INTS3: variants seen among roughly 807,000 people sequenced by gnomAD.
INTS3 encodes SOSS complex subunit A.
In INTS3, 34 loss-of-function variants were observed where a neutral mutation model predicts 146.3. The ratio of observed to expected loss-of-function variants is 0.23; its 90% CI spans 0.18 to 0.31. The LOEUF (loss-of-function observed/expected upper bound fraction) is 0.31. Ranked by LOEUF, INTS3 falls within the 10% of genes least tolerant of loss-of-function variation. The probability of loss-of-function intolerance (pLI) is 1.00; values close to 1 mark genes in which losing one functional copy is unlikely to be tolerated. For missense variants in INTS3, 757 were observed against 1,304.2 expected (o/e 0.58, Z 6.46); for synonymous variants, 475 against 494.9 (o/e 0.96, Z 0.53).
Position 153,764,204 on chromosome 1 carries a change from T to C in INTS3, c.1908T>C (p.Pro636=), listed in dbSNP as rs778915435. The change falls in exon 18 of 30, where the codon CCT becomes CCC. Residue 636 remains proline (P), a synonymous_variant. Coordinates refer to ENST00000318967, the MANE Select transcript of INTS3 (RefSeq NM_023015.5). Reference sequence around the variant, plus strand: ...CCCACTTTCGAGGGGAGGTCCTGCCTGAGGAGATTACTGAGGAGTAAGGCT... The same window carrying C: ...CCCACTTTCGAGGGGAGGTCCTGCCCGAGGAGATTACTGAGGAGTAAGGCT... The part of the protein sequence containing the change: ...FKAHFRGEVL[P]EEITEESLEE... 1.9e-6 allele frequency: 3 copies of C among 1,613,018 alleles called. No homozygotes were observed. Among genetic ancestry groups the C allele is most frequent in the Non-Finnish European group, 2.5e-6 (3 of 1,179,176 alleles).
In INTS3 at chr1:153,757,323, G is replaced by T. The variant is rs531454658; in HGVS notation, c.958-249G>T. ...GAAGTTGCAGTTGGGGGTAAATGTA[G>T]CCTGAGGTCAGTGGCAAGAATGACT... On this transcript the variant is annotated intron_variant, in intron 9 of 29. Coordinates refer to ENST00000318967, the MANE Select transcript of INTS3 (RefSeq NM_023015.5). This position sits in a 1 kb window ranked among gnomAD's most constrained non-coding sequence, Gnocchi z 4.0. Among the ~76,000 whole-genome samples, 9 of 152,308 alleles carry T rather than the reference G, an allele frequency of 5.9e-5. No homozygotes were observed. In the East Asian group the frequency reaches 1.7e-3, roughly 29 times the overall value.
chr1:153,746,941 A>C lies in INTS3; in HGVS notation c.319-16A>C, dbSNP rs2101797987. 10 of 1,577,838 alleles carry C rather than the reference A, an allele frequency of 6.3e-6. No individual in the cohort carries two copies. The highest frequency in any genetic ancestry group is 3.3e-5 in the South Asian group (3 of 90,046). On this transcript the variant is annotated splice_polypyrimidine_tract_variant and intron_variant, in intron 3 of 29. Transcript: ENST00000318967. ...TCCTCAGCTTGCTGGCTGATCACAA[A>C]CTTTACTTCTCACAGTGTTACCGGG... is the stretch of plus-strand genomic sequence containing the variant.
At chr1:153,740,828 G>A in intron 2 of INTS3, 94 bp downstream of exon 2, 2 of 1,004,322 alleles carry the variant, frequency 2.0e-6, no homozygotes, top group Non-Finnish European at 3.2e-6. Flanking sequence ...TTGGGGGTAG[G>A]GGACTGAAAT....
intron 6 of INTS3, among the ~76,000 whole-genome samples, chr1:153,749,928 T>G (rs1489050644): frequency 6.6e-6 from 1 of 152,244 alleles, no homozygotes; most frequent in African/African-American, 2.4e-5. Flanking sequence ...TGCCCTGTTT[T>G]CTACCCTCCA....
At position 153,728,153 on chromosome 1, in the gene INTS3, C is replaced by A. The variant is rs1000734252; in HGVS notation, c.-482C>A. 4 of 397,784 alleles carry A rather than the reference C, an allele frequency of 1.0e-5. No homozygotes were observed. Among genetic ancestry groups the A allele is most frequent in the Admixed American group, 4.4e-5 (1 of 22,656 alleles). 24.6% of individuals were successfully genotyped at this position (397,784 alleles called of 1,614,324 possible). ...AGCGCTTATTGCCTCACCCTCACCC[C>A]CTAGGGGCCGGATCCAAAGGCGCTG... On this transcript the variant is annotated 5_prime_UTR_variant, in exon 1 of 30. Coordinates refer to ENST00000318967, the MANE Select transcript of INTS3 (RefSeq NM_023015.5).
Position 153,773,713 on chromosome 1 carries a change from G to T in INTS3, c.*443G>T, listed in dbSNP as rs1008637029. ...GTGTCCCTTCCTGCTTCCCCTTCAG[G>T]TCTTGGTTTGTTCTGAAGGGACGTT... On this transcript the variant is annotated 3_prime_UTR_variant, in exon 30 of 30. Transcript: ENST00000318967. The T allele has an allele frequency of 4.8e-6, 1 of 207,268 alleles. No homozygotes were observed. The highest frequency in any genetic ancestry group is 1.2e-4 in the East Asian group (1 of 8,274). The allele number at this position is 207,268 out of a possible 1,614,324, so 12.8% of individuals were successfully genotyped here.
intron 6 of INTS3, 115 bp from the exon 7 acceptor site, chr1:153,750,980 C>G: frequency 9.6e-7 from 1 of 1,042,580 alleles, no homozygotes; most frequent in Non-Finnish European, 1.4e-6. Flanking sequence ...CATCTACTCC[C>G]AGTGTCAAAT....
At position 153,760,937 on chromosome 1, in the gene INTS3, G is replaced by A; in HGVS notation, c.1409+19G>A. ...TCTTGGCGTAAGGAATTTGGTGGGGGAAGGAGGTTGTTTTCCCATTTTTCA... is the reference window on the plus strand; with the variant it reads ...TCTTGGCGTAAGGAATTTGGTGGGGAAAGGAGGTTGTTTTCCCATTTTTCA... On this transcript the variant is annotated intron_variant, in intron 13 of 29. Transcript: ENST00000318967. The A allele has an allele frequency of 6.2e-7, 1 of 1,606,814 alleles. No homozygotes were observed. The highest frequency in any genetic ancestry group is 1.7e-4 in the Middle Eastern group (1 of 6,044).
intron 10 of INTS3, among the ~76,000 whole-genome samples, chr1:153,758,959 C>T (rs571729368): frequency 5.9e-5 from 9 of 152,038 alleles, no homozygotes; most frequent in African/African-American, 2.2e-4. Context: ...CAAAACAAAA[C>T]AAAACATAAA....
rs1672456209 is a variant in INTS3 at position 153,763,284 on chromosome 1, A to G, written c.1688A>G (p.Glu563Gly). Residue 563 changes from glutamate to glycine, a missense_variant, in exon 16 of 30, where the codon GAG becomes GGG. This residue lies in a region of INTS3 where 89 missense variants were observed against 210.9 expected (regional missense o/e 0.42). Coordinates refer to ENST00000318967, the MANE Select transcript of INTS3 (RefSeq NM_023015.5). The stretch of plus-strand genomic sequence containing the variant: ...CCTATCAAGGAGACAGTTGTGGAGG[A>G]GCCAGTTGATATCACCCCTTACCTT... ...FHPIKETVVEEPVDITPYLDQ... is the reference protein window; with the variant it reads ...FHPIKETVVEGPVDITPYLDQ... The G allele has an allele frequency of 3.7e-6, 6 of 1,614,034 alleles. No homozygotes were observed. The highest frequency in any genetic ancestry group is 5.1e-6 in the Non-Finnish European group (6 of 1,180,008).
chr1:153,728,342 C>T lies in INTS3; in HGVS notation c.-293C>T. 2.5e-6 allele frequency: 1 copy of T among 405,056 alleles called. No individual in the cohort carries two copies. Among genetic ancestry groups the T allele is most frequent in the Non-Finnish European group, 4.4e-6 (1 of 229,716 alleles). The allele number at this position is 405,056 out of a possible 1,614,324, so 25.1% of individuals were successfully genotyped here. ...GGGTCCACTTCTTCAGGGGCGGAAG[C>T]CTCTCCTACCCTTCCCATAGGGACA... On this transcript the variant is annotated 5_prime_UTR_variant, in exon 1 of 30. Coordinates refer to ENST00000318967, the MANE Select transcript of INTS3 (RefSeq NM_023015.5).
chr1:153,757,637 T>G lies in INTS3; in HGVS notation c.1023T>G (p.Asp341Glu), dbSNP rs1672212716. ...AGCGCCAGTACCTGTCAACTCCAGA[T>G]AGTCAGTCTCTGCGCTGTGACCTCA... ...WFQRQYLSTP[D>E]SQSLRCDLIR... is the part of the protein sequence containing the mutation. Residue 341 changes from aspartate (D) to glutamate (E), a missense_variant, in exon 10 of 30, where the codon GAT becomes GAG. Physicochemically the swap from Asp to Glu is conservative, Grantham distance 45. Around this residue, in one of 8 missense-constraint regions of INTS3, gnomAD observed 134 missense variants for 243.1 expected, o/e 0.55. Transcript: ENST00000318967. This position sits in a 1 kb window ranked among gnomAD's most constrained non-coding sequence, Gnocchi z 4.0. 12 of 1,614,184 alleles carry G rather than the reference T, an allele frequency of 7.4e-6. No individual in the cohort carries two copies. Among genetic ancestry groups the G allele is most frequent in the Non-Finnish European group, 1.0e-5 (12 of 1,180,012 alleles).
intron 7 of INTS3, among the ~76,000 whole-genome samples, chr1:153,751,757 G>T (rs1371383310): frequency 6.6e-6 from 1 of 152,142 alleles, no homozygotes; most frequent in Non-Finnish European, 1.5e-5. Context: ...GAGCCACTCT[G>T]CCCAGCCTAA....
intron 5 of INTS3, 149 bp downstream of exon 5, chr1:153,747,512 T>C (rs781464881): frequency 1.1e-5 from 7 of 659,252 alleles, no homozygotes; most frequent in South Asian, 8.9e-5. Flanking sequence ...TGGCCACATA[T>C]GTTGTAGAAA....
chr1:153,764,900 C>CCTGGGTAAAGTTCTGTT, intron 19 of INTS3, 44 bp from the exon 20 acceptor site: 1 of 1,613,458 alleles, frequency 6.2e-7, no homozygotes, highest in Middle Eastern at 1.6e-4. Flanking sequence ...GAGAGTCTGC[C>CCTGGGTAAAGTTCTGTT]CTGGGTAAAG....
chr1:153,770,852 C>A, intron 25 of INTS3, 119 bp downstream of exon 25: 1 of 771,228 alleles, frequency 1.3e-6, no homozygotes, highest in Non-Finnish European at 2.2e-6. Context: ...TTAACATCTG[C>A]TTATTCTGCC....
In INTS3 at chr1:153,733,002, C is replaced by T. The variant is rs193050056; in HGVS notation, c.150+4218C>T. Reference sequence around the variant, plus strand: ...TGTATTTTTAGTAGAGACAGGGTTTCACCATGTTGGTCAGGCTGGTCTTGA... The same window carrying T: ...TGTATTTTTAGTAGAGACAGGGTTTTACCATGTTGGTCAGGCTGGTCTTGA... On this transcript the variant is annotated intron_variant, in intron 1 of 29. Coordinates refer to ENST00000318967, the MANE Select transcript of INTS3 (RefSeq NM_023015.5). Among the ~76,000 whole-genome samples the T allele has an allele frequency of 2.1e-3, 315 of 151,060 alleles. 2 individuals carry two copies. Among genetic ancestry groups the T allele is most frequent in the African/African-American group, 7.0e-3 (287 of 41,106 alleles).
Position 153,772,298 on chromosome 1 carries a change from C to T in INTS3, c.2721-42C>T, listed in dbSNP as rs1018233297. On this transcript the variant is annotated intron_variant, in intron 26 of 29. Coordinates refer to ENST00000318967, the MANE Select transcript of INTS3 (RefSeq NM_023015.5). This position sits in a 1 kb window ranked among gnomAD's most constrained non-coding sequence, Gnocchi z 4.6. ...GTGGAGGGTGTCTCGCACTCTGGAA[C>T]CCTCCCACACTCAGACTCTGGCTCT... 4 of 1,599,074 alleles carry T rather than the reference C, an allele frequency of 2.5e-6. No individual in the cohort carries two copies. Among genetic ancestry groups the T allele is most frequent in the East Asian group, 2.2e-5 (1 of 44,714 alleles).
chr1:153,749,224 A>C (rs1570853488), intron 6 of INTS3, among the ~76,000 whole-genome samples: 2 of 152,130 alleles, frequency 1.3e-5, no homozygotes, highest in African/African-American at 4.8e-5. Flanking sequence ...TGGAGTTTGC[A>C]TATAGGGTTT....
Sources: allele counts gnomAD v4.1 joint callset (sites outside exome capture counted in the v4.1 genomes callset), GRCh38; gene constraint gnomAD v4.1.1; regional missense constraint gnomAD v4.1.1; non-coding constraint Gnocchi (gnomAD v3.1); transcripts MANE v1.5; gene names NCBI Gene and HGNC (gene_info 2026-07-23, HGNC 2026-07-21).